The following RRP1B variants were observed in gnomAD, a reference collection of about 807,000 sequenced individuals.
The protein encoded by RRP1B is ribosomal RNA processing 1B.
In RRP1B, 56 loss-of-function variants were observed where a neutral mutation model predicts 80.2. The observed-to-expected ratio is 0.70, with a 90% CI of 0.56 to 0.87. The LOEUF is 0.87. RRP1B is among the 40% of genes least tolerant of loss of function. RRP1B has a pLI of 0.00. For missense variants in RRP1B, 807 were observed against 939.8 expected (o/e 0.86, Z 1.85); for synonymous variants, 351 against 357.6 (o/e 0.98, Z 0.21).
intron 6 of RRP1B, 68 bp from the exon 7 acceptor site, chr21:43,676,204 C>G: frequency 1.8e-6 from 2 of 1,136,990 alleles, no homozygotes; most frequent in Non-Finnish European, 2.6e-6. Context: ...TGGGAATGGT[C>G]CCTTTTTCAA....
In RRP1B at chr21:43,695,817, G is replaced by C. The variant is rs1289811812; in HGVS notation, c.*2434G>C. On this transcript the variant is annotated 3_prime_UTR_variant, in exon 16 of 16. Coordinates refer to ENST00000340648, the MANE Select transcript of RRP1B (RefSeq NM_015056.3). ...GTCAATTTTGTACAATTAGGTATCTGACTTTACAAGTTTGTTATCCTTTCT... is the reference window on the plus strand; with the variant it reads ...GTCAATTTTGTACAATTAGGTATCTCACTTTACAAGTTTGTTATCCTTTCT... 2 of 152,186 alleles carry C rather than the reference G, an allele frequency of 1.3e-5. No individual in the cohort carries two copies. The highest frequency in any genetic ancestry group is 3.8e-4 in the East Asian group (2 of 5,200). 9.4% of individuals were successfully genotyped at this position (152,186 alleles called of 1,614,324 possible).
chr21:43,676,882 C>T lies in RRP1B; in HGVS notation c.764C>T (p.Ser255Phe). ...GAGGAGATACCTGAAAATGAGGTAT[C>T]CTTGAGAAGAGCTGTCAGTAAAAAG... is the stretch of plus-strand genomic sequence containing the variant. ...SAEEIPENEV[S>F]LRRAVSKKKT... Residue 255 changes from serine to phenylalanine, a missense_variant, in exon 8 of 16, where the codon TCC (serine) becomes TTC (phenylalanine). Physicochemically the swap from Ser to Phe is radical, Grantham distance 155. Coordinates refer to ENST00000340648, the MANE Select transcript of RRP1B (RefSeq NM_015056.3). 8 of 1,614,160 alleles carry T rather than the reference C, an allele frequency of 5.0e-6. No individual in the cohort carries two copies. The highest frequency in any genetic ancestry group is 6.8e-6 in the Non-Finnish European group (8 of 1,180,010).
At chr21:43,669,843 A>T in intron 1 of RRP1B, 41 bp from the exon 2 acceptor site, 1 of 1,385,208 alleles carries the variant, frequency 7.2e-7, no homozygotes, top group African/African-American at 1.4e-5. Context: ...AAGAAAAGAG[A>T]TGCATAGACT....
At chr21:43,676,188 A>G in intron 6 of RRP1B, 84 bp from the exon 7 acceptor site, 2 of 1,010,048 alleles carry the variant, frequency 2.0e-6, no homozygotes, top group East Asian at 2.5e-5. Context: ...CCACCTTTGT[A>G]AAAGATGGGA....
Position 43,693,064 on chromosome 21 carries a change from T to G in RRP1B, c.2084-126T>G. Reference sequence around the variant, plus strand: ...TCTTGGGCCTGCTCTCTGCAGGGCCTTGAGATGGCCCTGCTTCGTCCTAGC... The same window carrying G: ...TCTTGGGCCTGCTCTCTGCAGGGCCGTGAGATGGCCCTGCTTCGTCCTAGC... On this transcript the variant is annotated intron_variant, in intron 15 of 15. Transcript: ENST00000340648. This position sits in a 1 kb window ranked among gnomAD's most constrained non-coding sequence, Gnocchi z 4.1. 1 of 933,648 alleles carries G rather than the reference T, an allele frequency of 1.1e-6. No individual in the cohort carries two copies. Among genetic ancestry groups the G allele is most frequent in the Non-Finnish European group, 1.6e-6 (1 of 609,664 alleles). The allele number at this position is 933,648 out of a possible 1,614,324, so 57.8% of individuals were successfully genotyped here.
At chr21:43,662,604 T>C (rs1392687090) in intron 1 of RRP1B, among the ~76,000 whole-genome samples, 5 of 151,874 alleles carry the variant, frequency 3.3e-5, no homozygotes, top group Non-Finnish European at 2.9e-5. Flanking sequence ...GATAGCTTTG[T>C]CATTTTAAAA....
intron 13 of RRP1B, among the ~76,000 whole-genome samples, chr21:43,688,467 C>CTTGG (rs1226255776): frequency 1.3e-5 from 2 of 152,232 alleles, no homozygotes; most frequent in Non-Finnish European, 2.9e-5. Context: ...AGGCCACATG[C>CTTGG]TTGGGTTCGG....
rs543107548 is a variant in RRP1B at position 43,672,298 on chromosome 21, G to A, written c.214-10G>A. On this transcript the variant is annotated splice_polypyrimidine_tract_variant and intron_variant, in intron 2 of 15. Transcript: ENST00000340648. Reference sequence around the variant, plus strand: ...AACCCCCATGTTTCTCCCCAACCCCGCCTCTGCAGGAAGAGCTCGCCAACA... The same window carrying A: ...AACCCCCATGTTTCTCCCCAACCCCACCTCTGCAGGAAGAGCTCGCCAACA... 34 of 1,613,796 alleles carry A rather than the reference G, an allele frequency of 2.1e-5. No individual in the cohort carries two copies. Among genetic ancestry groups the A allele is most frequent in the Middle Eastern group, 1.7e-4 (1 of 6,058 alleles).
Position 43,659,840 on chromosome 21 carries a change from G to T in RRP1B, c.130+46G>T, listed in dbSNP as rs1262794703. The T allele has an allele frequency of 3.3e-5, 49 of 1,476,560 alleles. No homozygotes were observed. Among genetic ancestry groups the T allele is most frequent in the Non-Finnish European group, 4.2e-5 (46 of 1,107,540 alleles). 91.5% of individuals were successfully genotyped at this position (1,476,560 alleles called of 1,614,324 possible). A position where few individuals can be genotyped will look rare whatever the true frequency, so the allele number is the denominator to read the frequency against. On this transcript the variant is annotated intron_variant, in intron 1 of 15. Transcript: ENST00000340648. The surrounding 1 kb of genome is among the most constrained non-coding windows in gnomAD (Gnocchi z 4.2). ...AGCCGCGCCACATGGCGGGCCGGGG[G>T]CCGGGGCTGGGGCTAGGGCCAGGGC... is the stretch of plus-strand genomic sequence containing the variant.
intron 1 of RRP1B, among the ~76,000 whole-genome samples, chr21:43,662,033 A>G (rs2082959647): frequency 6.6e-6 from 1 of 152,204 alleles, no homozygotes; most frequent in African/African-American, 2.4e-5. Flanking sequence ...TCAATGTGTC[A>G]TCCTTCTCCC....
At position 43,690,327 on chromosome 21, in the gene RRP1B, C is replaced by T. The variant is rs1202506450; in HGVS notation, c.1906C>T (p.Leu636=). 2 of 1,614,110 alleles carry T rather than the reference C, an allele frequency of 1.2e-6. No homozygotes were observed. The highest frequency in any genetic ancestry group is 1.7e-6 in the Non-Finnish European group (2 of 1,180,028). The change falls in exon 14 of 16, where the codon CTG becomes TTG. Residue 636 remains leucine, a synonymous_variant. Coordinates refer to ENST00000340648, the MANE Select transcript of RRP1B (RefSeq NM_015056.3). ...GTCSSLKKQK[L]RAESDFVKFD... is the part of the protein sequence containing the mutation. ...TTGCAGTTCCCTGAAGAAGCAGAAG[C>T]TGAGGGCAGAGAGCGACTTTGTGAA...
chr21:43,668,065 C>T (rs974649435), intron 1 of RRP1B, among the ~76,000 whole-genome samples: 2 of 152,020 alleles, frequency 1.3e-5, no homozygotes, highest in African/African-American at 4.8e-5. Context: ...AAAAATTAGC[C>T]AGGCGTGGTG....
intron 5 of RRP1B, 33 bp downstream of exon 5, chr21:43,674,730 C>A: frequency 6.4e-7 from 1 of 1,560,028 alleles, no homozygotes; most frequent in Non-Finnish European, 8.7e-7. Context: ...CATGTGGTAG[C>A]CTTAAAACTT....
Position 43,686,855 on chromosome 21 carries a change from A to G in RRP1B, c.1061A>G (p.Asp354Gly). The G allele has an allele frequency of 1.2e-6, 2 of 1,614,124 alleles. No individual in the cohort carries two copies. Among genetic ancestry groups the G allele is most frequent in the Non-Finnish European group, 1.7e-6 (2 of 1,180,002 alleles). Residue 354 changes from aspartate to glycine, a missense_variant, in exon 12 of 16, where the codon GAT (aspartate) becomes GGT (glycine). Transcript: ENST00000340648. ...SFAEDISADE[D>G]DQILSQGKHK... is the part of the protein sequence containing the mutation. ...GCGGAGGACATTTCTGCTGATGAAG[A>G]TGACCAAATCCTCAGTCAAGGAAAG...
chr21:43,674,041 A>G (rs1312463615), intron 4 of RRP1B, 86 bp downstream of exon 4: 2 of 950,242 alleles, frequency 2.1e-6, no homozygotes, highest in Non-Finnish European at 1.6e-6. Context: ...TTTATTTGTG[A>G]AGCAAAACAA....
chr21:43,676,934 C>A lies in RRP1B; in HGVS notation c.796+20C>A. On this transcript the variant is annotated intron_variant, in intron 8 of 15. Transcript: ENST00000340648. ...AGACAGGTAGGAGGATGTTCTTGGT[C>A]AGTGTAGCTTTCTTTCTGCTAAAAT... The A allele has an allele frequency of 6.2e-7, 1 of 1,610,650 alleles. No homozygotes were observed. Among genetic ancestry groups the A allele is most frequent in the South Asian group, 1.1e-5 (1 of 90,664 alleles).
Position 43,659,668 on chromosome 21 carries a change from GC to G in RRP1B, c.9del (p.Ala4ProfsTer25), listed in dbSNP as rs2147154144. The G allele has an allele frequency of 1.3e-6, 2 of 1,507,840 alleles. No individual in the cohort carries two copies. The highest frequency in any genetic ancestry group is 1.8e-6 in the Non-Finnish European group (2 of 1,127,440). The allele number at this position is 1,507,840 out of a possible 1,614,324, so 93.4% of individuals were successfully genotyped here. A position where few individuals can be genotyped will look rare whatever the true frequency, so the allele number is the denominator to read the frequency against. On this transcript the variant is annotated frameshift_variant, in exon 1 of 16. Transcript: ENST00000340648. LOFTEE classifies it high-confidence loss of function. The surrounding 1 kb of genome is among the most constrained non-coding windows in gnomAD (Gnocchi z 4.2). The stretch of plus-strand genomic sequence containing the variant: ...CGGGGATGCTCCAGCGGGCGCGATG[GC>G]CCCCGCCATGCAGCCGGCCGAGATC... The part of the protein sequence containing the change: M[A>X]PAMQPAEIQF...
intron 6 of RRP1B, 100 bp from the exon 7 acceptor site, chr21:43,676,172 C>A: frequency 1.2e-6 from 1 of 856,280 alleles, no homozygotes; most frequent in Non-Finnish European, 1.9e-6. Flanking sequence ...ATTGCTTGGT[C>A]TAACTCCACC....
chr21:43,688,808 G>A (rs1281080209), intron 13 of RRP1B, among the ~76,000 whole-genome samples: 2 of 152,174 alleles, frequency 1.3e-5, no homozygotes, highest in East Asian at 3.8e-4. Context: ...CTGTTGATCT[G>A]GTCTTGGGTC....
Sources: gnomAD v4.1 joint callset for allele counts (sites outside exome capture counted in the v4.1 genomes callset) on GRCh38, gnomAD v4.1.1 for gene constraint, Gnocchi (gnomAD v3.1) non-coding constraint, MANE v1.5 for transcripts, NCBI Gene and HGNC (gene_info 2026-07-23, HGNC 2026-07-21) for gene names.